STAC: variants seen among roughly 807,000 people sequenced by gnomAD.
STAC encodes SH3 and cysteine rich domain.
In STAC, 43 loss-of-function variants were observed where a neutral mutation model predicts 48.8. That is an observed-to-expected ratio of 0.88 (90% CI 0.69 to 1.14). The LOEUF (loss-of-function observed/expected upper bound fraction) is 1.14. Ranked by LOEUF, STAC falls within the 50% of genes most tolerant of loss-of-function variation. The pLI is 0.00. For missense variants in STAC, 497 were observed against 504.0 expected, an observed-to-expected ratio of 0.99 and a Z score of 0.13; for synonymous variants, 193 against 179.5, an observed-to-expected ratio of 1.07 and a Z score of -0.60.
intron 10 of STAC, among the ~76,000 whole-genome samples, chr3:36,545,871 C>T (rs1699432796): frequency 6.6e-6 from 1 of 152,182 alleles, no homozygotes; most frequent in Non-Finnish European, 1.5e-5. Flanking sequence ...GGCTCCTTGA[C>T]AAACATTATT....
chr3:36,466,214 A>G (rs1376778368), intron 2 of STAC, among the ~76,000 whole-genome samples: 18 of 152,106 alleles, frequency 1.2e-4, no homozygotes, highest in Admixed American at 1.0e-3. Flanking sequence ...GGCTGTAAGT[A>G]TATGGCTTTA....
rs1698882091 is a variant in STAC at position 36,524,496 on chromosome 3, G to C, written c.921-4200G>C. Among the ~76,000 whole-genome samples the C allele has an allele frequency of 2.6e-5, 4 of 152,056 alleles. No homozygotes were observed. The South Asian group carries it at 8.3e-4, about 32-fold the overall frequency. ...CTTCCCAGCTACTTAGGAGGCTGAGGCAGGAGAATCGCTTGAACCTGGGAG... is the reference window on the plus strand; with the variant it reads ...CTTCCCAGCTACTTAGGAGGCTGAGCCAGGAGAATCGCTTGAACCTGGGAG... On this transcript the variant is annotated intron_variant, in intron 8 of 10. Coordinates refer to ENST00000273183, the MANE Select transcript of STAC (RefSeq NM_003149.3).
chr3:36,488,611 G>A (rs1445407955), intron 5 of STAC, among the ~76,000 whole-genome samples: 1 of 82,196 alleles, frequency 1.2e-5, no homozygotes, highest in Non-Finnish European at 2.4e-5. Context: ...CACCAAACCA[G>A]TCCTACAGAT....
At chr3:36,401,118 G>T (rs1177867879) in intron 1 of STAC, among the ~76,000 whole-genome samples, 1 of 152,164 alleles carries the variant, frequency 6.6e-6, no homozygotes, top group East Asian at 1.9e-4. Context: ...CAGGAGTCAA[G>T]CCTCTAAAAA....
Position 36,398,668 on chromosome 3 carries a change from G to A in STAC, c.111+17914G>A, listed in dbSNP as rs1221544356. 1.1e-4 allele frequency among the ~76,000 whole-genome samples: 14 copies of A among 124,146 alleles called. 1 individual carries two copies. The highest frequency in any genetic ancestry group is 2.5e-4 in the South Asian group (1 of 3,960). The allele number at this position is 124,146 out of a possible 152,430, so 81.4% of individuals were successfully genotyped here. A position where few individuals can be genotyped will look rare whatever the true frequency, so the allele number is the denominator to read the frequency against. On this transcript the variant is annotated intron_variant, in intron 1 of 10. Transcript: ENST00000273183. ...AAAGAAAGAGAAAGAAAGGAAGGAA[G>A]GAAGGAAAGAAAGAAAGAAAGAAAA...
intron 1 of STAC, among the ~76,000 whole-genome samples, chr3:36,395,654 T>C (rs1472798677): frequency 6.6e-6 from 1 of 152,204 alleles, no homozygotes; most frequent in African/African-American, 2.4e-5. Context: ...GGGGCTAATG[T>C]TAGCAGTTAG....
At chr3:36,544,769 C>T (rs958296113) in intron 10 of STAC, among the ~76,000 whole-genome samples, 2 of 152,174 alleles carry the variant, frequency 1.3e-5, no homozygotes, top group Admixed American at 6.5e-5. Flanking sequence ...GTCAAGGGAC[C>T]TAACATGACC....
At chr3:36,431,301 T>C (rs1400353601) in intron 1 of STAC, among the ~76,000 whole-genome samples, 1 of 152,186 alleles carries the variant, frequency 6.6e-6, no homozygotes, top group Non-Finnish European at 1.5e-5. Flanking sequence ...GTGTGGTCCC[T>C]GGGACTGTAC....
intron 1 of STAC, among the ~76,000 whole-genome samples, chr3:36,398,571 A>G (rs1416288352): frequency 2.1e-4 from 15 of 69,840 alleles, no homozygotes; most frequent in East Asian, 4.4e-4. Flanking sequence ...GAAGGAAGGA[A>G]GGAAGGAAGG....
intron 8 of STAC, among the ~76,000 whole-genome samples, chr3:36,516,854 A>G (rs1305691721): frequency 6.6e-6 from 1 of 152,242 alleles, no homozygotes; most frequent in East Asian, 1.9e-4. Flanking sequence ...AGTAGATTTT[A>G]GATACCTTCT....
chr3:36,461,022 G>A (rs55766331), intron 2 of STAC, among the ~76,000 whole-genome samples: 20,491 of 152,006 alleles, frequency 0.13, 1,556 homozygotes, highest in African/African-American at 0.21. Flanking sequence ...ACAAGAACAA[G>A]AGGAATTACA....
At chr3:36,400,419 G>C (rs1471683225) in intron 1 of STAC, among the ~76,000 whole-genome samples, 3 of 152,164 alleles carry the variant, frequency 2.0e-5, no homozygotes, top group Non-Finnish European at 4.4e-5. Flanking sequence ...ATAACCCCAT[G>C]ATTTTAGGGT....
At chr3:36,486,361 AG>A in intron 5 of STAC, 112 bp downstream of exon 5, 3 of 875,142 alleles carry the variant, frequency 3.4e-6, no homozygotes, top group South Asian at 3.6e-5. Flanking sequence ...GCAGGTCTGC[AG>A]GGAGTCAGGC....
chr3:36,518,764 T>C (rs1698733987), intron 8 of STAC, among the ~76,000 whole-genome samples: 1 of 152,230 alleles, frequency 6.6e-6, no homozygotes, highest in Non-Finnish European at 1.5e-5. Context: ...AGCACTACTT[T>C]AAAAAGAGTT....
At chr3:36,480,780 T>A (rs905696884) in intron 2 of STAC, among the ~76,000 whole-genome samples, 2 of 152,190 alleles carry the variant, frequency 1.3e-5, no homozygotes, top group African/African-American at 4.8e-5. Context: ...CTTCCACGAA[T>A]TATCTCAAAC....
At chr3:36,505,717 T>C (rs1481649773) in intron 7 of STAC, 29 bp from the exon 8 acceptor site, 1 of 1,446,542 alleles carries the variant, frequency 6.9e-7, no homozygotes, top group African/African-American at 1.4e-5. Context: ...ACCTTTCTTT[T>C]CTCATTTTTC....
chr3:36,505,308 G>C (rs953628500), intron 7 of STAC, among the ~76,000 whole-genome samples: 7 of 151,776 alleles, frequency 4.6e-5, no homozygotes, highest in African/African-American at 1.7e-4. Context: ...GAATATACCT[G>C]GTTCCCTTTG....
chr3:36,502,623 A>AT (rs1698307345), intron 6 of STAC, among the ~76,000 whole-genome samples: 2 of 152,188 alleles, frequency 1.3e-5, no homozygotes, highest in Admixed American at 1.3e-4. Flanking sequence ...CAAATCAAGA[A>AT]TTTTCTAGGA....
chr3:36,398,368 A>AAAGAAAGAAAGAAAGAAAAGAAAGAGAG (rs1553631494), intron 1 of STAC, among the ~76,000 whole-genome samples: 3 of 102,978 alleles, frequency 2.9e-5, no homozygotes, highest in African/African-American at 1.1e-4. Context: ...AGAAAGAAAG[A>AAAGAAAGAAAGAAAGAAAAGAAAGAGAG]AAAGAAAGAG....
Sources: gnomAD v4.1 joint callset for allele counts (sites outside exome capture counted in the v4.1 genomes callset) on GRCh38, gnomAD v4.1.1 for gene constraint, MANE v1.5 for transcripts, NCBI Gene and HGNC (gene_info 2026-07-23, HGNC 2026-07-21) for gene names.